The following SCAPER variants were observed in gnomAD, a reference collection of about 807,000 sequenced individuals.
The protein encoded by SCAPER is S-phase cyclin A associated protein in the ER, also known as S phase cyclin A-associated protein in the endoplasmic reticulum.
In SCAPER, 98 loss-of-function variants were observed where a neutral mutation model predicts 182.2. The ratio of observed to expected loss-of-function variants is 0.54; its 90% CI spans 0.46 to 0.64. SCAPER has a LOEUF of 0.64. Among genes scored for constraint, SCAPER ranks in the 30% least tolerant of loss-of-function variants. SCAPER has a pLI of 0.00. For missense variants in SCAPER, 1,432 were observed against 1,690.0 expected (o/e 0.85, Z 2.68); for synonymous variants, 605 against 564.6 (o/e 1.07, Z -1.01).
intron 23 of SCAPER, among the ~76,000 whole-genome samples, chr15:76,568,497 A>AG (rs2047205436): frequency 6.6e-6 from 1 of 151,970 alleles, no homozygotes; most frequent in African/African-American, 2.4e-5. Context: ...CTGTGATTAC[A>AG]GGTGCCCACC....
chr15:76,636,436 C>T (rs1349242075), intron 21 of SCAPER, among the ~76,000 whole-genome samples: 1 of 150,340 alleles, frequency 6.7e-6, no homozygotes, highest in East Asian at 1.9e-4. Context: ...GAAATAGTGA[C>T]TAAGTACATT....
At position 76,819,345 on chromosome 15, in the gene SCAPER, C is replaced by T. The variant is rs568363143; in HGVS notation, c.394-14712G>A. On this transcript the variant is annotated intron_variant, in intron 5 of 31. Coordinates refer to ENST00000563290, the MANE Select transcript of SCAPER (RefSeq NM_020843.4). Reference sequence around the variant, plus strand: ...ACTGGGAGCCACCCCCCAGTAGGGGCAGACTGACACCTCACATGGCTGGGT... The same window carrying T: ...ACTGGGAGCCACCCCCCAGTAGGGGTAGACTGACACCTCACATGGCTGGGT... 2.0e-5 allele frequency among the ~76,000 whole-genome samples: 3 copies of T among 152,344 alleles called. No homozygotes were observed. In the South Asian group the frequency reaches 6.2e-4, roughly 32 times the overall value.
Position 76,348,463 on chromosome 15 carries a change from A to C in SCAPER, c.*170T>G, listed in dbSNP as rs2040314993. On this transcript the variant is annotated 3_prime_UTR_variant, in exon 32 of 32. Coordinates refer to ENST00000563290, the MANE Select transcript of SCAPER (RefSeq NM_020843.4). ...CTCAACTTGCAAAATTAGCAAGTAG[A>C]ACATTCAAGTATCTACAGTCATTAT... 2 of 441,918 alleles carry C rather than the reference A, an allele frequency of 4.5e-6. No individual in the cohort carries two copies. The highest frequency in any genetic ancestry group is 2.0e-5 in the African/African-American group (1 of 49,782). 27.4% of individuals were successfully genotyped at this position (441,918 alleles called of 1,614,324 possible). A position where few individuals can be genotyped will look rare whatever the true frequency, so the allele number is the denominator to read the frequency against.
At chr15:76,405,140 C>T (rs1303377762) in intron 26 of SCAPER, among the ~76,000 whole-genome samples, 1 of 132,746 alleles carries the variant, frequency 7.5e-6, no homozygotes, top group Non-Finnish European at 1.6e-5. Flanking sequence ...TTAGAGACAG[C>T]GTCTCACTCT....
intron 25 of SCAPER, 120 bp downstream of exon 25, chr15:76,471,092 C>T (rs906962736): frequency 3.9e-5 from 31 of 797,876 alleles, no homozygotes; most frequent in African/African-American, 9.1e-5. Context: ...TCTTCTTCTT[C>T]TTCTTCTTTT....
chr15:76,351,005 T>C, intron 31 of SCAPER: 1 of 402,714 alleles, frequency 2.5e-6, no homozygotes, highest in South Asian at 6.3e-5. Context: ...TATACAAAGA[T>C]ATTTGTGCTT....
intron 2 of SCAPER, among the ~76,000 whole-genome samples, chr15:76,879,347 A>C (rs2073385976): frequency 6.6e-6 from 1 of 152,098 alleles, no homozygotes; most frequent in Non-Finnish European, 1.5e-5. Context: ...TTTTGTCCCT[A>C]ACTCCAGGGT....
chr15:76,816,998 T>C (rs575923152), intron 5 of SCAPER, among the ~76,000 whole-genome samples: 2 of 152,332 alleles, frequency 1.3e-5, no homozygotes, highest in Non-Finnish European at 2.9e-5. Context: ...CTGTGTACTG[T>C]ACACAACTGT....
At chr15:76,579,556 A>C (rs562841070) in intron 22 of SCAPER, among the ~76,000 whole-genome samples, 1 of 152,028 alleles carries the variant, frequency 6.6e-6, no homozygotes, top group African/African-American at 2.4e-5. Flanking sequence ...AATAAAAAGC[A>C]AGAAATGAAA....
At chr15:76,358,670 T>C (rs1433802685) in intron 29 of SCAPER, among the ~76,000 whole-genome samples, 1 of 152,216 alleles carries the variant, frequency 6.6e-6, no homozygotes, top group Non-Finnish European at 1.5e-5. Flanking sequence ...CTCATTTAAT[T>C]ACCTCCTAAA....
chr15:76,856,188 C>T (rs1219101109), intron 4 of SCAPER, among the ~76,000 whole-genome samples: 3 of 152,130 alleles, frequency 2.0e-5, no homozygotes, highest in South Asian at 4.1e-4. Context: ...CCAAATACTG[C>T]ATGTCCTCAC....
intron 5 of SCAPER, among the ~76,000 whole-genome samples, chr15:76,824,585 G>C (rs2067840837): frequency 6.6e-6 from 1 of 152,140 alleles, no homozygotes; most frequent in African/African-American, 2.4e-5. Context: ...TATTTTTTAA[G>C]AACATCTTAT....
intron 26 of SCAPER, 92 bp downstream of exon 26, chr15:76,433,985 GA>G: frequency 9.9e-7 from 1 of 1,013,410 alleles, no homozygotes; most frequent in Middle Eastern, 3.0e-4. Context: ...GGCATTGTGA[GA>G]ACCACTGCCA....
intron 15 of SCAPER, 114 bp from the exon 16 acceptor site, chr15:76,733,498 T>G: frequency 7.9e-7 from 1 of 1,273,884 alleles, no homozygotes; most frequent in Non-Finnish European, 1.1e-6. Context: ...CCTGTGATCC[T>G]AGCACTTTGG....
Position 76,611,672 on chromosome 15 carries a change from C to T in SCAPER, c.2711+10092G>A, listed in dbSNP as rs1461526215. Among the ~76,000 whole-genome samples the T allele has an allele frequency of 1.3e-5, 2 of 152,054 alleles. 1 individual carries two copies. ...CCATGATGAACACTGATGTGTTCAT[C>T]ATCAATTTGGAAAAATCCAAAATGA... is the stretch of plus-strand genomic sequence containing the variant. On this transcript the variant is annotated intron_variant, in intron 22 of 31. Transcript: ENST00000563290.
intron 26 of SCAPER, among the ~76,000 whole-genome samples, chr15:76,431,618 G>T (rs977178473): frequency 1.5e-5 from 2 of 134,898 alleles, no homozygotes; most frequent in Non-Finnish European, 3.1e-5. Context: ...GGAGTGGAGT[G>T]AGACTTCTTG....
At chr15:76,448,177 T>C (rs1444156273) in intron 25 of SCAPER, among the ~76,000 whole-genome samples, 1 of 152,162 alleles carries the variant, frequency 6.6e-6, no homozygotes, top group Non-Finnish European at 1.5e-5. Context: ...CAATGAAGGA[T>C]TCTAAGCTAG....
chr15:76,862,670 G>A, intron 2 of SCAPER, 137 bp from the exon 3 acceptor site: 1 of 493,706 alleles, frequency 2.0e-6, no homozygotes, highest in Admixed American at 3.8e-5. Context: ...TGGTTAAACA[G>A]AGAAAAGGAA....
intron 15 of SCAPER, among the ~76,000 whole-genome samples, chr15:76,753,005 CTCAT>C (rs2062188524): frequency 6.6e-6 from 1 of 151,708 alleles, no homozygotes; most frequent in African/African-American, 2.4e-5. Flanking sequence ...AACTAGAACT[CTCAT>C]TCACTGCTGG....
Sources: gnomAD v4.1 joint callset for allele counts (sites outside exome capture counted in the v4.1 genomes callset) on GRCh38, gnomAD v4.1.1 for gene constraint, MANE v1.5 for transcripts, NCBI Gene and HGNC (gene_info 2026-07-23, HGNC 2026-07-21) for gene names.